AKR1C2: variants seen among roughly 807,000 people sequenced by gnomAD.
AKR1C2 encodes the protein aldo-keto reductase family 1 member C2.
In AKR1C2, 27 loss-of-function variants were observed where a neutral mutation model predicts 39.8. That is an observed-to-expected ratio of 0.68 (90% confidence interval 0.50 to 0.93). AKR1C2 has a LOEUF of 0.93. AKR1C2 is among the 40% of genes least tolerant of loss of function. The pLI, the probability that AKR1C2 is intolerant of heterozygous loss-of-function variation, is 0.00. For synonymous variants in AKR1C2, 114 were observed against 137.9 expected (o/e 0.83, Z 1.22); for missense variants, 263 against 365.1 (o/e 0.72, Z 2.28).
At position 5,000,261 on chromosome 10, in the gene AKR1C2, T is replaced by A. The variant is rs74397660; in HGVS notation, c.369+289A>T. Reference sequence around the variant, plus strand: ...TCCCAAGAGGTGAAATCAGGAATCATAAATAAGACCTTGTGCCTTCAAGGA... The same window carrying A: ...TCCCAAGAGGTGAAATCAGGAATCAAAAATAAGACCTTGTGCCTTCAAGGA... On this transcript the variant is annotated intron_variant, in intron 3 of 8. Coordinates refer to ENST00000380753, the MANE Select transcript of AKR1C2 (RefSeq NM_001393392.1). 209 of 1,457,438 alleles carry A rather than the reference T, an allele frequency of 1.4e-4. 2 individuals carry two copies. In the South Asian group the frequency reaches 3.0e-3, roughly 21 times the overall value. 90.3% of individuals were successfully genotyped at this position (1,457,438 alleles called of 1,614,324 possible). A position where few individuals can be genotyped will look rare whatever the true frequency, so the allele number is the denominator to read the frequency against.
intron 5 of AKR1C2, among the ~76,000 whole-genome samples, chr10:4,997,769 T>A (rs1456890352): frequency 6.6e-6 from 1 of 152,170 alleles, no homozygotes; most frequent in Non-Finnish European, 1.5e-5. Flanking sequence ...TAACAAAAAA[T>A]GTAAGTTACT....
At chr10:5,002,165 A>T (rs1461522970) in intron 1 of AKR1C2, among the ~76,000 whole-genome samples, 1 of 152,172 alleles carries the variant, frequency 6.6e-6, no homozygotes, top group African/African-American at 2.4e-5. Flanking sequence ...TCTACAAGAG[A>T]TGCCCTCTAC....
At chr10:4,998,599 A>G (rs1837142550) in intron 5 of AKR1C2, 26 bp downstream of exon 5, 18 of 1,613,160 alleles carry the variant, frequency 1.1e-5, no homozygotes, top group Non-Finnish European at 1.5e-5. Context: ...GAAGAACAGA[A>G]AGGAGAGGAG....
Position 4,998,784 on chromosome 10 carries a change from T to C in AKR1C2, c.448-37A>G. ...GAATTGTGAGGTATCATTTGTGTAG[T>C]CGACTGAAGAGCAAGATAAATGTAA... On this transcript the variant is annotated intron_variant, in intron 4 of 8. Transcript: ENST00000380753. 2.5e-6 allele frequency: 4 copies of C among 1,612,354 alleles called. 1 individual carries two copies. In the East Asian group the frequency reaches 8.9e-5, roughly 36 times the overall value.
Position 4,998,617 on chromosome 10 carries a change from G to T in AKR1C2, c.570+8C>A. 1 of 1,613,976 alleles carries T rather than the reference G, an allele frequency of 6.2e-7. No homozygotes were observed. The highest frequency in any genetic ancestry group is 8.5e-7 in the Non-Finnish European group (1 of 1,179,946). ...GAACAGAAAGGAGAGGAGGCTGAGGGCGCTCACCTGGTTGCAGACAGGCTT... is the reference window on the plus strand; with the variant it reads ...GAACAGAAAGGAGAGGAGGCTGAGGTCGCTCACCTGGTTGCAGACAGGCTT... On this transcript the variant is annotated splice_region_variant and intron_variant, in intron 5 of 8. Transcript: ENST00000380753.
At chr10:4,990,086 T>A (rs138999389) in intron 8 of AKR1C2, 48 bp from the exon 9 acceptor site, 15 of 1,608,786 alleles carry the variant, frequency 9.3e-6, no homozygotes, top group Non-Finnish European at 1.3e-5. Context: ...ATGACTCCGT[T>A]ACTAGCCCGT....
intron 5 of AKR1C2, among the ~76,000 whole-genome samples, chr10:4,997,810 T>C (rs1210159518): frequency 2.0e-5 from 3 of 152,220 alleles, no homozygotes; most frequent in Non-Finnish European, 4.4e-5. Flanking sequence ...AATGCTGAAA[T>C]GTGTGTAACA....
chr10:4,994,904 C>T (rs1219284575), intron 7 of AKR1C2, among the ~76,000 whole-genome samples: 2 of 140,776 alleles, frequency 1.4e-5, no homozygotes, highest in East Asian at 4.2e-4. Flanking sequence ...AAAAAAAAGG[C>T]AGAGTTAAAC....
chr10:5,001,481 C>T (rs782277845), intron 2 of AKR1C2, 33 bp downstream of exon 2: 2 of 1,600,468 alleles, frequency 1.2e-6, no homozygotes, highest in South Asian at 2.3e-5. Flanking sequence ...ACAATAAATA[C>T]ATGTGCACAC....
intron 1 of AKR1C2, 75 bp from the exon 2 acceptor site, chr10:5,001,756 C>A (rs1837282330): frequency 6.3e-7 from 1 of 1,592,168 alleles, no homozygotes; most frequent in East Asian, 2.2e-5. Flanking sequence ...CAGCAACGTT[C>A]ACAAAAATCA....
Position 5,001,699 on chromosome 10 carries a change from C to T in AKR1C2, c.85-18G>A, listed in dbSNP as rs201559425. ...TTAGGAACCTGGGGGAGCAACCAAACGTAATATTTTCTGACTAATGTGCCT... is the reference window on the plus strand; with the variant it reads ...TTAGGAACCTGGGGGAGCAACCAAATGTAATATTTTCTGACTAATGTGCCT... On this transcript the variant is annotated intron_variant, in intron 1 of 8. Coordinates refer to ENST00000380753, the MANE Select transcript of AKR1C2 (RefSeq NM_001393392.1). 2,312 of 1,613,150 alleles carry T rather than the reference C, an allele frequency of 1.4e-3. 5 individuals carry two copies. Among genetic ancestry groups the T allele is most frequent in the Non-Finnish European group, 1.5e-3 (1,810 of 1,179,516 alleles).
At chr10:5,011,390 T>A (rs1294738233) in intron 1 of AKR1C2, among the ~76,000 whole-genome samples, 1 of 152,242 alleles carries the variant, frequency 6.6e-6, no homozygotes, top group African/African-American at 2.4e-5. Flanking sequence ...CTGTGCAATG[T>A]ATCTATGTAG....
chr10:5,000,713 G>A lies in AKR1C2; in HGVS notation c.253-47C>T, dbSNP rs113896465. On this transcript the variant is annotated intron_variant, in intron 2 of 8. Transcript: ENST00000380753. Reference sequence around the variant, plus strand: ...AGTTGTGTAATGAAAACTTGAGCCAGTTTTACTAGTTTGCTCCACCTAATA... The same window carrying A: ...AGTTGTGTAATGAAAACTTGAGCCAATTTTACTAGTTTGCTCCACCTAATA... 2.5e-4 allele frequency: 385 copies of A among 1,550,972 alleles called. 1 individual carries two copies. The highest frequency in any genetic ancestry group is 3.2e-4 in the East Asian group (14 of 44,438).
intron 8 of AKR1C2, among the ~76,000 whole-genome samples, chr10:4,991,451 G>C (rs556507956): frequency 5.9e-4 from 90 of 152,266 alleles, no homozygotes; most frequent in Non-Finnish European, 1.1e-3. Flanking sequence ...GAGCAGGTTG[G>C]GAAGAACAAG....
intron 1 of AKR1C2, among the ~76,000 whole-genome samples, chr10:5,009,686 A>T (rs1837480809): frequency 1.3e-5 from 2 of 152,134 alleles, no homozygotes; most frequent in South Asian, 4.2e-4. Flanking sequence ...ACGCCCCCAA[A>T]ATTTGCCTTT....
chr10:5,002,431 G>C (rs1354896589), intron 1 of AKR1C2, among the ~76,000 whole-genome samples: 1 of 152,118 alleles, frequency 6.6e-6, no homozygotes, highest in Non-Finnish European at 1.5e-5. Flanking sequence ...TTCTACCCAG[G>C]TTTTGGCCAT....
At chr10:4,990,286 T>C (rs1554772026) in intron 8 of AKR1C2, among the ~76,000 whole-genome samples, 1 of 152,236 alleles carries the variant, frequency 6.6e-6, no homozygotes, top group Non-Finnish European at 1.5e-5. Flanking sequence ...AGTGAAATGT[T>C]CAAACATGTT....
At chr10:5,000,920 TA>T (rs1837249654) in intron 2 of AKR1C2, among the ~76,000 whole-genome samples, 1 of 152,212 alleles carries the variant, frequency 6.6e-6, no homozygotes, top group Admixed American at 6.5e-5. Flanking sequence ...TATCAAATCA[TA>T]AGCATACCCA....
intron 7 of AKR1C2, among the ~76,000 whole-genome samples, chr10:4,994,332 G>T (rs1437639659): frequency 2.0e-5 from 3 of 151,960 alleles, no homozygotes; most frequent in Admixed American, 6.6e-5. Context: ...TCATATAAAT[G>T]ATAGATTAAT....
Sources: allele counts gnomAD v4.1 joint callset (sites outside exome capture counted in the v4.1 genomes callset), GRCh38; gene constraint gnomAD v4.1.1; transcripts MANE v1.5; gene names NCBI Gene and HGNC (gene_info 2026-07-23, HGNC 2026-07-21).